The following C10orf120 variants were observed in gnomAD, a reference collection of about 807,000 sequenced individuals.
C10orf120 encodes the protein chromosome 10 open reading frame 120, also known as uncharacterized protein C10orf120.
C10orf120 carries 15 observed loss-of-function variants against 10.8 expected under a neutral mutation model. The ratio of observed to expected loss-of-function variants is 1.39; its 90% CI spans 0.93 to 2.14. C10orf120 has a LOEUF of 2.14. Among genes scored for constraint, C10orf120 ranks in the 30% most tolerant of loss-of-function variants. The pLI is 0.00. For missense variants in C10orf120, 447 were observed against 411.3 expected (o/e 1.09, Z -0.75); for synonymous variants, 141 against 138.9 (o/e 1.02, Z -0.11).
chr10:122,699,367 C>T lies in C10orf120; in HGVS notation c.222G>A (p.Gly74=). ...TCTCTTTTTCCAAGGGGGAGTATTT[C>T]CCAAGGGCAATCCGTGGGTCTGATC... ...FYRSDPRIAL[G]KYSPLEKEIL... The change falls in exon 2 of 3, where the codon GGG becomes GGA. Residue 74 remains glycine, a synonymous_variant. Transcript: ENST00000329446. The T allele has an allele frequency of 6.2e-7, 1 of 1,613,452 alleles. No homozygotes were observed. The highest frequency in any genetic ancestry group is 8.5e-7 in the Non-Finnish European group (1 of 1,179,520).
rs752875283 is a variant in C10orf120 at position 122,699,714 on chromosome 10, T to C, written c.77A>G (p.Lys26Arg). 1 of 1,614,164 alleles carries C rather than the reference T, an allele frequency of 6.2e-7. No individual in the cohort carries two copies. Among genetic ancestry groups the C allele is most frequent in the East Asian group, 2.2e-5 (1 of 44,882 alleles). ...RASDTMVQER[K>R]NEKPVRIFNT... ...AAATATTCTAACTGGCTTTTCATTCTTCCTTTCTTGCACCATTGTGTCACT... is the reference window on the plus strand; with the variant it reads ...AAATATTCTAACTGGCTTTTCATTCCTCCTTTCTTGCACCATTGTGTCACT... Residue 26 changes from lysine (K) to arginine (R), a missense_variant, in exon 1 of 3, where the codon AAG becomes AGG. By Grantham distance (26) the Lys-to-Arg change is conservative. Coordinates refer to ENST00000329446, the MANE Select transcript of C10orf120 (RefSeq NM_001010912.4).
chr10:122,698,318 T>G lies in C10orf120; in HGVS notation c.423A>C (p.Lys141Asn). 1 of 1,614,222 alleles carries G rather than the reference T, an allele frequency of 6.2e-7. No homozygotes were observed. The highest frequency in any genetic ancestry group is 8.5e-7 in the Non-Finnish European group (1 of 1,180,036). Residue 141 changes from lysine (K) to asparagine (N), a missense_variant, in exon 3 of 3, where the codon AAA becomes AAC. Lys to Asn is a moderately conservative substitution (Grantham distance 94, BLOSUM62 0). Coordinates refer to ENST00000329446, the MANE Select transcript of C10orf120 (RefSeq NM_001010912.4). ...SPCAICVPLE[K>N]IWTAKVIAPL... ...GCGCAATCACCTTTGCTGTCCATATTTTTTCTAGGGGTACACAAATAGCAC... is the reference window on the plus strand; with the variant it reads ...GCGCAATCACCTTTGCTGTCCATATGTTTTCTAGGGGTACACAAATAGCAC...
chr10:122,699,684 G>A lies in C10orf120; in HGVS notation c.107C>T (p.Thr36Ile), dbSNP rs1845833002. Reference protein sequence around the residue: ...KNEKPVRIFNTNSSFQDQAPT... With the variant: ...KNEKPVRIFNINSSFQDQAPT... ...GGCTTGATCCTGAAAGGAAGAGTTG[G>A]TATTAAATATTCTAACTGGCTTTTC... The change falls in exon 1 of 3, where the codon ACC (threonine) becomes ATC (isoleucine). Residue 36 changes from threonine (T) to isoleucine (I), a missense_variant. By Grantham distance (89) the Thr-to-Ile change is moderately conservative (BLOSUM62 -1). Transcript: ENST00000329446. 2 of 1,613,884 alleles carry A rather than the reference G, an allele frequency of 1.2e-6. No individual in the cohort carries two copies. Among genetic ancestry groups the A allele is most frequent in the South Asian group, 2.2e-5 (2 of 91,078 alleles).
chr10:122,699,627 G>C lies in C10orf120; in HGVS notation c.164C>G (p.Ala55Gly). 1 of 1,610,164 alleles carries C rather than the reference G, an allele frequency of 6.2e-7. No homozygotes were observed. The highest frequency in any genetic ancestry group is 8.5e-7 in the Non-Finnish European group (1 of 1,177,878). The change falls in exon 1 of 3, where the codon GCT (alanine) becomes GGT (glycine). Residue 55 changes from alanine to glycine, a missense_variant. Transcript: ENST00000329446. ...AAGTCAGACTCACCGCAACGGTGAA[G>C]CAGAACTCAGATCCTCTTGGCAACA... ...PTCCQEDLSS[A>G]SPLRIWSKFY...
In C10orf120 at chr10:122,699,378, T is replaced by C. The variant is rs1360986462; in HGVS notation, c.211A>G (p.Ile71Val). 6.2e-7 allele frequency: 1 copy of C among 1,613,436 alleles called. No individual in the cohort carries two copies. The highest frequency in any genetic ancestry group is 8.5e-7 in the Non-Finnish European group (1 of 1,179,490). ...AAGGGGGAGTATTTCCCAAGGGCAA[T>C]CCGTGGGTCTGATCTGTAGAATTTG... ...WSKFYRSDPR[I>V]ALGKYSPLEK... Residue 71 changes from isoleucine to valine, a missense_variant, in exon 2 of 3, where the codon ATT becomes GTT. Physicochemically the swap from Ile to Val is conservative, Grantham distance 29 (BLOSUM62 3). Transcript: ENST00000329446.
Position 122,699,646 on chromosome 10 carries a change from G to A in C10orf120, c.145C>T (p.Gln49Ter). The change falls in exon 1 of 3, where the codon CAA becomes TAA. Residue 49 changes from glutamine (Q) to a stop codon, truncating the protein, a stop_gained. Coordinates refer to ENST00000329446, the MANE Select transcript of C10orf120 (RefSeq NM_001010912.4). LOFTEE classifies it high-confidence loss of function. ...SFQDQAPTCC[Q>*]EDLSSASPLR... ...GGTGAAGCAGAACTCAGATCCTCTT[G>A]GCAACACGTTGGGGCTTGATCCTGA... 1 of 1,612,934 alleles carries A rather than the reference G, an allele frequency of 6.2e-7. No homozygotes were observed.
intron 2 of C10orf120, among the ~76,000 whole-genome samples, chr10:122,698,852 C>T (rs1028924513): frequency 6.6e-6 from 1 of 151,856 alleles, no homozygotes; most frequent in East Asian, 1.9e-4. Flanking sequence ...GTGGGCCGGG[C>T]GCGGTGGCTC....
At position 122,697,765 on chromosome 10, in the gene C10orf120, G is replaced by T. The variant is rs1431253930; in HGVS notation, c.976C>A (p.Arg326Ser). ...SLEEESIWKERMRKATPYHY is the reference protein window; with the variant it reads ...SLEEESIWKESMRKATPYHY The stretch of plus-strand genomic sequence containing the variant: ...TGATAAGGAGTTGCTTTACGCATGC[G>T]CTCTTTCCAGATACTCTCTTCTTCC... The change falls in exon 3 of 3, where the codon CGC becomes AGC. Residue 326 changes from arginine to serine, a missense_variant. Physicochemically the swap from Arg to Ser is moderately radical, Grantham distance 110. Transcript: ENST00000329446. The T allele has an allele frequency of 3.1e-6, 5 of 1,613,918 alleles. No homozygotes were observed. In the South Asian group the frequency reaches 4.4e-5, roughly 14 times the overall value.
At chr10:122,699,140 CAAAAAAAAAAA>C (rs67633673) in intron 2 of C10orf120, among the ~76,000 whole-genome samples, 186 bp downstream of exon 2, 33 of 21,832 alleles carry the variant, frequency 1.5e-3, no homozygotes, top group African/African-American at 4.2e-3. Context: ...GACTCCGTCT[CAAAAAAAAAAA>C]AAAAAAAAAA....
At position 122,699,358 on chromosome 10, in the gene C10orf120, G is replaced by T. The variant is rs1454511798; in HGVS notation, c.231C>A (p.Ser77=). 1 of 1,612,556 alleles carries T rather than the reference G, an allele frequency of 6.2e-7. No homozygotes were observed. ...TTACTAGGATCTCTTTTTCCAAGGG[G>T]GAGTATTTCCCAAGGGCAATCCGTG... The part of the protein sequence containing the change: ...SDPRIALGKY[S]PLEKEILRLG... Residue 77 remains serine, a synonymous_variant, in exon 2 of 3, where the codon TCC becomes TCA. Transcript: ENST00000329446.
intron 2 of C10orf120, among the ~76,000 whole-genome samples, chr10:122,698,962 T>TAA (rs369039231): frequency 8.9e-4 from 120 of 135,348 alleles, no homozygotes; most frequent in Non-Finnish European, 1.4e-3. Context: ...CCGTCTCTAC[T>TAA]AAAAAAAAAA....
chr10:122,699,685 T>C lies in C10orf120; in HGVS notation c.106A>G (p.Thr36Ala). The C allele has an allele frequency of 6.2e-7, 1 of 1,613,858 alleles. No homozygotes were observed. The highest frequency in any genetic ancestry group is 1.3e-5 in the African/African-American group (1 of 75,046). ...KNEKPVRIFNTNSSFQDQAPT... is the reference protein window; with the variant it reads ...KNEKPVRIFNANSSFQDQAPT... ...GCTTGATCCTGAAAGGAAGAGTTGG[T>C]ATTAAATATTCTAACTGGCTTTTCA... Residue 36 changes from threonine to alanine, a missense_variant, in exon 1 of 3, where the codon ACC becomes GCC. By Grantham distance (58) the Thr-to-Ala change is moderately conservative. Coordinates refer to ENST00000329446, the MANE Select transcript of C10orf120 (RefSeq NM_001010912.4).
In C10orf120 at chr10:122,698,317, T is replaced by A. The variant is rs569498958; in HGVS notation, c.424A>T (p.Ile142Leu). 3 of 1,614,214 alleles carry A rather than the reference T, an allele frequency of 1.9e-6. No homozygotes were observed. The highest frequency in any genetic ancestry group is 2.7e-5 in the African/African-American group (2 of 75,056). ...PCAICVPLEK[I>L]WTAKVIAPLE... ...GGCGCAATCACCTTTGCTGTCCATA[T>A]TTTTTCTAGGGGTACACAAATAGCA... The change falls in exon 3 of 3, where the codon ATA becomes TTA. Residue 142 changes from isoleucine to leucine, a missense_variant. Transcript: ENST00000329446.
intron 2 of C10orf120, among the ~76,000 whole-genome samples, chr10:122,699,119 C>A (rs1236342378): frequency 1.8e-5 from 2 of 112,846 alleles, no homozygotes; most frequent in Non-Finnish European, 3.3e-5. Context: ...CCGGCCTGGG[C>A]GACAGAGCGA....
chr10:122,698,117 G>A lies in C10orf120; in HGVS notation c.624C>T (p.Ala208=). The stretch of plus-strand genomic sequence containing the variant: ...TGTCATAGTTGTCTTCCTTTCGTCT[G>A]GCCTTATTTTTTGCCATTGGACCCA... ...VGLGPMAKNK[A]RRKEDNYDTH... is the part of the protein sequence containing the mutation. The change falls in exon 3 of 3, where the codon GCC becomes GCT. Residue 208 remains alanine (A), a synonymous_variant. Coordinates refer to ENST00000329446, the MANE Select transcript of C10orf120 (RefSeq NM_001010912.4). 6.2e-7 allele frequency: 1 copy of A among 1,613,762 alleles called. No homozygotes were observed. The highest frequency in any genetic ancestry group is 8.5e-7 in the Non-Finnish European group (1 of 1,179,960).
At chr10:122,699,514 G>A in intron 1 of C10orf120, 101 bp downstream of exon 1, 2 of 1,441,626 alleles carry the variant, frequency 1.4e-6, no homozygotes, top group Non-Finnish European at 1.9e-6. Flanking sequence ...ACACTAGCCA[G>A]GCTGAGGCCG....
In C10orf120 at chr10:122,698,131, C is replaced by T; in HGVS notation, c.610G>A (p.Ala204Thr). 4 of 1,613,658 alleles carry T rather than the reference C, an allele frequency of 2.5e-6. No individual in the cohort carries two copies. The highest frequency in any genetic ancestry group is 3.4e-6 in the Non-Finnish European group (4 of 1,179,934). Residue 204 changes from alanine (A) to threonine (T), a missense_variant, in exon 3 of 3, where the codon GCA becomes ACA. Transcript: ENST00000329446. ...FLSGVGLGPM[A>T]KNKARRKEDN... is the part of the protein sequence containing the mutation. ...TCCTTTCGTCTGGCCTTATTTTTTGCCATTGGACCCAGGCCCACCCCAGAC... is the reference window on the plus strand; with the variant it reads ...TCCTTTCGTCTGGCCTTATTTTTTGTCATTGGACCCAGGCCCACCCCAGAC...
In C10orf120 at chr10:122,697,751, T is replaced by C; in HGVS notation, c.990A>G (p.Ala330=). Residue 330 remains alanine, a synonymous_variant, in exon 3 of 3, where the codon GCA becomes GCG. Coordinates refer to ENST00000329446, the MANE Select transcript of C10orf120 (RefSeq NM_001010912.4). ...TAAAACTTTAATAATGATAAGGAGT[T>C]GCTTTACGCATGCGCTCTTTCCAGA... The part of the protein sequence containing the change: ...ESIWKERMRK[A]TPYHY The C allele has an allele frequency of 6.2e-7, 1 of 1,614,102 alleles. No individual in the cohort carries two copies. Among genetic ancestry groups the C allele is most frequent in the Middle Eastern group, 1.6e-4 (1 of 6,062 alleles).
Position 122,697,745 on chromosome 10 carries a change from A to G in C10orf120, c.996T>C (p.Pro332=). ...IWKERMRKAT[P]YHY ...AACAAATAAAACTTTAATAATGATA[A>G]GGAGTTGCTTTACGCATGCGCTCTT... Residue 332 remains proline, a synonymous_variant, in exon 3 of 3, where the codon CCT becomes CCC. Coordinates refer to ENST00000329446, the MANE Select transcript of C10orf120 (RefSeq NM_001010912.4). 1 of 1,614,002 alleles carries G rather than the reference A, an allele frequency of 6.2e-7. No homozygotes were observed. The highest frequency in any genetic ancestry group is 8.5e-7 in the Non-Finnish European group (1 of 1,179,948).
Sources: allele counts gnomAD v4.1 joint callset (sites outside exome capture counted in the v4.1 genomes callset), GRCh38; gene constraint gnomAD v4.1.1; transcripts MANE v1.5; gene names NCBI Gene and HGNC (gene_info 2026-07-23, HGNC 2026-07-21).